Variants in CCDC62 observed in about 807,000 individuals in gnomAD.
CCDC62 encodes the protein coiled-coil domain containing 62, also known as coiled-coil domain-containing protein 62.
A neutral mutation model predicts 80.8 loss-of-function variants in CCDC62; 72 were observed. That is an observed-to-expected ratio of 0.89 (90% CI 0.74 to 1.08). The LOEUF (loss-of-function observed/expected upper bound fraction) is 1.08. Ranked by LOEUF, CCDC62 falls within the 50% of genes least tolerant of loss-of-function variation. The pLI is 0.00. For synonymous variants in CCDC62, 286 were observed against 296.5 expected (o/e 0.96, Z 0.36); for missense variants, 704 against 809.4 (o/e 0.87, Z 1.58).
rs764948328 is a variant in CCDC62, at chr12:122,792,136, C to A, written c.772+15C>A. 1.3e-6 allele frequency: 2 copies of A among 1,492,230 alleles called. No homozygotes were observed. The highest frequency in any genetic ancestry group is 1.1e-5 in the South Asian group (1 of 88,582). 92.4% of individuals were successfully genotyped at this position (1,492,230 alleles called of 1,614,324 possible). A position where few individuals can be genotyped will look rare whatever the true frequency, so the allele number is the denominator to read the frequency against. On this transcript the variant is annotated intron_variant, in intron 6 of 12. Transcript: ENST00000253079. ...GCTTTTTACTGGTAAAACAGATGAT[C>A]GAATGTATTTGTAACCTAGACTTGC...
chr12:122,808,176 A>G (rs2031703009), intron 10 of CCDC62, among the ~76,000 whole-genome samples: 1 of 152,160 alleles, frequency 6.6e-6, no homozygotes, highest in Non-Finnish European at 1.5e-5. Context: ...GTGTGCCTGT[A>G]ATCCCAGCTA....
intron 11 of CCDC62, among the ~76,000 whole-genome samples, chr12:122,821,227 G>A (rs1022735141): frequency 6.6e-6 from 1 of 152,148 alleles, no homozygotes; most frequent in Non-Finnish European, 1.5e-5. Flanking sequence ...TCACTGGATC[G>A]GTGCCTGTGT....
intron 9 of CCDC62, among the ~76,000 whole-genome samples, chr12:122,802,130 T>G (rs1214680858): frequency 6.6e-6 from 1 of 152,130 alleles, no homozygotes; most frequent in Non-Finnish European, 1.5e-5. Context: ...TTGTTATGAC[T>G]TGGGCAGATA....
intron 11 of CCDC62, among the ~76,000 whole-genome samples, chr12:122,817,307 G>A (rs112727472): frequency 0.11 from 16,032 of 149,658 alleles, 2,044 homozygotes; most frequent in African/African-American, 0.31. Context: ...TGATCCACCC[G>A]CCTCGGCCTC....
At chr12:122,813,494 C>T in intron 11 of CCDC62, 75 bp downstream of exon 11, 2 of 1,393,028 alleles carry the variant, frequency 1.4e-6, no homozygotes, top group Non-Finnish European at 9.7e-7. Flanking sequence ...GCAAATATCA[C>T]CGGCAGGGCG....
intron 1 of CCDC62, among the ~76,000 whole-genome samples, chr12:122,776,180 T>TC (rs1879441826): frequency 6.6e-6 from 1 of 152,218 alleles, no homozygotes; most frequent in African/African-American, 2.4e-5. Context: ...TCTTCACCAC[T>TC]CCAAGATGTT....
At chr12:122,804,512 A>G (rs1368538438) in intron 9 of CCDC62, among the ~76,000 whole-genome samples, 4 of 151,982 alleles carry the variant, frequency 2.6e-5, no homozygotes, top group Admixed American at 1.3e-4. Flanking sequence ...TGGCCAAGTG[A>G]GGTGGCTCAT....
chr12:122,803,988 G>A (rs1242092339), intron 9 of CCDC62, among the ~76,000 whole-genome samples: 2 of 152,154 alleles, frequency 1.3e-5, no homozygotes, highest in African/African-American at 4.8e-5. Context: ...CAGCAGAGAC[G>A]GATGCCAAGA....
At chr12:122,809,451 T>C (rs951133712) in intron 10 of CCDC62, among the ~76,000 whole-genome samples, 8 of 151,614 alleles carry the variant, frequency 5.3e-5, no homozygotes, top group South Asian at 2.1e-4. Flanking sequence ...GATTGTGCCA[T>C]TGCACTTCAG....
intron 3 of CCDC62, among the ~76,000 whole-genome samples, chr12:122,784,442 A>G (rs2030085200): frequency 6.6e-6 from 1 of 152,038 alleles, no homozygotes; most frequent in South Asian, 2.1e-4. Context: ...AATCACTTGA[A>G]CCCAGGAGGC....
chr12:122,778,353 C>CAA (rs34065757), intron 2 of CCDC62, among the ~76,000 whole-genome samples: 5 of 118,170 alleles, frequency 4.2e-5, no homozygotes, highest in Admixed American at 1.8e-4. Context: ...GACCCTGTCC[C>CAA]AAAAAAAAAA....
intron 6 of CCDC62, among the ~76,000 whole-genome samples, chr12:122,793,019 C>T (rs1339985991): frequency 1.3e-5 from 2 of 152,032 alleles, no homozygotes; most frequent in South Asian, 2.1e-4. Flanking sequence ...TCTGATAAAC[C>T]CCTCGCAAGT....
At chr12:122,802,059 G>A (rs1199615286) in intron 9 of CCDC62, among the ~76,000 whole-genome samples, 3 of 152,134 alleles carry the variant, frequency 2.0e-5, no homozygotes, top group Non-Finnish European at 4.4e-5. Context: ...TTAGGTTCCA[G>A]GGATGTGTTT....
intron 10 of CCDC62, among the ~76,000 whole-genome samples, chr12:122,809,446 T>C (rs1356154616): frequency 6.6e-6 from 1 of 152,006 alleles, no homozygotes; most frequent in East Asian, 1.9e-4. Flanking sequence ...GCTGAGATTG[T>C]GCCATTGCAC....
In CCDC62 at chr12:122,813,304, C is replaced by T. The variant is rs752165996; in HGVS notation, c.1886C>T (p.Ser629Leu). 47 of 1,613,204 alleles carry T rather than the reference C, an allele frequency of 2.9e-5. No homozygotes were observed. The highest frequency in any genetic ancestry group is 6.7e-5 in the African/African-American group (5 of 74,910). ...SIVLPSQDDF[S>L]PTSKLQRLLA... ...GTGTTACCCTCCCAGGATGATTTCT[C>T]GCCCACGAGCAAGCTCCAGCGTTTG... Residue 629 changes from serine (S) to leucine (L), a missense_variant, in exon 11 of 13, where the codon TCG becomes TTG. Transcript: ENST00000253079.
intron 11 of CCDC62, among the ~76,000 whole-genome samples, chr12:122,818,510 G>A (rs1045797637): frequency 6.6e-6 from 1 of 151,824 alleles, no homozygotes; most frequent in African/African-American, 2.4e-5. Context: ...TGTAGTCCTG[G>A]GTACTTGGGA....
At chr12:122,823,944 C>T (rs1169046155) in intron 12 of CCDC62, among the ~76,000 whole-genome samples, 2 of 151,768 alleles carry the variant, frequency 1.3e-5, no homozygotes, top group Non-Finnish European at 1.5e-5. Flanking sequence ...CAAGATGGCA[C>T]CACTGCACTC....
chr12:122,811,821 C>CAAAAAAAA (rs67025764), intron 10 of CCDC62, among the ~76,000 whole-genome samples: 7 of 34,666 alleles, frequency 2.0e-4, no homozygotes, highest in Admixed American at 5.2e-4. Context: ...ACTCCATCTG[C>CAAAAAAAA]AAAAAAAAAA....
At chr12:122,781,086 C>A in intron 2 of CCDC62, 78 bp from the exon 3 acceptor site, 1 of 1,157,112 alleles carries the variant, frequency 8.6e-7, no homozygotes, top group South Asian at 1.5e-5. Flanking sequence ...CACATTTTTA[C>A]CTTTTAACCA....
Sources: gnomAD v4.1 joint callset for allele counts (sites outside exome capture counted in the v4.1 genomes callset) on GRCh38, gnomAD v4.1.1 for gene constraint, MANE v1.5 for transcripts, NCBI Gene and HGNC (gene_info 2026-07-23, HGNC 2026-07-21) for gene names.